HDAC4: variants seen among roughly 807,000 people sequenced by gnomAD.
HDAC4 encodes the protein histone deacetylase A.
In HDAC4, 16 loss-of-function variants were observed where a neutral mutation model predicts 135.1. That is an observed-to-expected ratio of 0.12 (90% confidence interval 0.08 to 0.18). HDAC4 has a LOEUF of 0.18. Among genes scored for constraint, HDAC4 ranks in the 10% least tolerant of loss-of-function variants. The pLI is 1.00. For synonymous variants in HDAC4, 685 were observed against 653.4 expected (o/e 1.05, Z -0.74); for missense variants, 1,143 against 1,511.8 (o/e 0.76, Z 4.05).
intron 16 of HDAC4, 109 bp from the exon 17 acceptor site, chr2:239,095,165 A>G: frequency 8.7e-7 from 1 of 1,154,876 alleles, no homozygotes; most frequent in Non-Finnish European, 1.3e-6. Context: ...CATTTGTGGG[A>G]CAACGAGGGG....
intron 3 of HDAC4, among the ~76,000 whole-genome samples, chr2:239,230,343 TA>T (rs1306299329): frequency 1.6e-5 from 1 of 61,104 alleles, no homozygotes; most frequent in Non-Finnish European, 2.8e-5. Flanking sequence ...ATTTTACCTC[TA>T]AAAATTAAAA....
intron 3 of HDAC4, among the ~76,000 whole-genome samples, chr2:239,210,572 C>T (rs2046310942): frequency 6.6e-6 from 1 of 152,212 alleles, no homozygotes; most frequent in Admixed American, 6.5e-5. Flanking sequence ...CGGCTTGGGG[C>T]TCCCTTGGAG....
intron 24 of HDAC4, among the ~76,000 whole-genome samples, chr2:239,057,459 C>T (rs190707121): frequency 2.6e-5 from 4 of 152,292 alleles, no homozygotes; most frequent in African/African-American, 9.6e-5. Flanking sequence ...CACCTAGGTA[C>T]ATCAGAGTAA....
chr2:239,162,584 T>A (rs2042877787), intron 6 of HDAC4, among the ~76,000 whole-genome samples: 1 of 152,188 alleles, frequency 6.6e-6, no homozygotes, highest in African/African-American at 2.4e-5. Flanking sequence ...GGAAGCCACC[T>A]CCTCTCTCAG....
chr2:239,166,858 T>C (rs2043149796), intron 5 of HDAC4, among the ~76,000 whole-genome samples: 1 of 152,218 alleles, frequency 6.6e-6, no homozygotes, highest in Non-Finnish European at 1.5e-5. Flanking sequence ...AATGAGTATG[T>C]TAAATCAGCT....
rs1428431232 is a variant in HDAC4, at chr2:239,357,710, C to G, written c.-219-4792G>C. ...AGCAGCCTGGGCAACATTGTGAAAC[C>G]CTGTCTCGACAAAAAATAATAAAAA... is the stretch of plus-strand genomic sequence containing the variant. On this transcript the variant is annotated intron_variant, in intron 1 of 26. Transcript: ENST00000543185. Among the ~76,000 whole-genome samples the G allele has an allele frequency of 2.7e-5, 4 of 147,894 alleles. No individual in the cohort carries two copies. The Admixed American group carries it at 2.8e-4, about 10-fold the overall frequency.
At chr2:239,281,769 CCACCACTCTACACACAATATATA>C (rs1160249401) in intron 2 of HDAC4, among the ~76,000 whole-genome samples, 6 of 143,264 alleles carry the variant, frequency 4.2e-5, no homozygotes, top group Non-Finnish European at 6.1e-5. Flanking sequence ...TACAATTTAC[CCACCACTCTACACACAATATATA>C]CACCACTCTA....
At chr2:239,371,891 C>CA (rs1694648387) in intron 1 of HDAC4, among the ~76,000 whole-genome samples, 1 of 152,370 alleles carries the variant, frequency 6.6e-6, no homozygotes, top group African/African-American at 2.4e-5. Context: ...GGACCCAAAA[C>CA]AGTGAAGAGC....
chr2:239,190,896 A>C (rs1187980070), intron 3 of HDAC4: 2 of 454,534 alleles, frequency 4.4e-6, no homozygotes, highest in Non-Finnish European at 9.2e-6. Context: ...TTTAAATTAC[A>C]GATATCACAA....
At chr2:239,325,690 C>A (rs573929364) in intron 2 of HDAC4, among the ~76,000 whole-genome samples, 1 of 152,158 alleles carries the variant, frequency 6.6e-6, no homozygotes, top group Non-Finnish European at 1.5e-5. Context: ...CAGGGCTGGG[C>A]GTGGTGGCTC....
chr2:239,140,268 A>G (rs1251485817), intron 8 of HDAC4, among the ~76,000 whole-genome samples: 1 of 152,192 alleles, frequency 6.6e-6, no homozygotes, highest in Non-Finnish European at 1.5e-5. Flanking sequence ...GCAAGCATCC[A>G]GGGGAAAATA....
chr2:239,330,140 G>A (rs1381185824), intron 2 of HDAC4, among the ~76,000 whole-genome samples: 6 of 152,274 alleles, frequency 3.9e-5, no homozygotes, highest in African/African-American at 7.2e-5. Context: ...CAGAGCCGAT[G>A]GCCGGAGGCC....
At chr2:239,270,785 G>C (rs1388562564) in intron 2 of HDAC4, among the ~76,000 whole-genome samples, 1 of 152,172 alleles carries the variant, frequency 6.6e-6, no homozygotes, top group South Asian at 2.1e-4. Flanking sequence ...GCGTTACTGT[G>C]AGCAGCACGT....
chr2:239,232,412 G>C (rs1186639944), intron 3 of HDAC4, among the ~76,000 whole-genome samples: 1 of 152,220 alleles, frequency 6.6e-6, no homozygotes, highest in Non-Finnish European at 1.5e-5. Context: ...CAATGGCTCT[G>C]TTTGCTCACT....
At chr2:239,172,677 AC>A (rs2152992946) in intron 5 of HDAC4, among the ~76,000 whole-genome samples, 1 of 152,268 alleles carries the variant, frequency 6.6e-6, no homozygotes, top group East Asian at 1.9e-4. Context: ...TATTCAACAA[AC>A]AACATCCATA....
At chr2:239,289,028 T>C (rs892366751) in intron 2 of HDAC4, among the ~76,000 whole-genome samples, 1 of 152,190 alleles carries the variant, frequency 6.6e-6, no homozygotes, top group Non-Finnish European at 1.5e-5. Context: ...AAGGAGACAG[T>C]GCCCTGCTGG....
intron 1 of HDAC4, among the ~76,000 whole-genome samples, chr2:239,363,933 G>A (rs79396615): frequency 0.013 from 1,955 of 152,296 alleles, 20 homozygotes; most frequent in Non-Finnish European, 0.018. Flanking sequence ...TACTTTACAA[G>A]ACAGGATTCC....
chr2:239,298,867 T>TTTC (rs2052074130), intron 2 of HDAC4, among the ~76,000 whole-genome samples: 1 of 130,782 alleles, frequency 7.6e-6, no homozygotes, highest in African/African-American at 2.9e-5. Flanking sequence ...TAGCCTATTT[T>TTTC]TTTTTTTTTT....
At chr2:239,094,944 G>A (rs755753542) in intron 17 of HDAC4, 66 bp downstream of exon 17, 38 of 1,611,888 alleles carry the variant, frequency 2.4e-5, no homozygotes, top group South Asian at 1.5e-4. Context: ...GCAAGGCTGC[G>A]ATTTCTGTGA....
Sources: allele counts gnomAD v4.1 joint callset (sites outside exome capture counted in the v4.1 genomes callset), GRCh38; gene constraint gnomAD v4.1.1; transcripts MANE v1.5; gene names NCBI Gene and HGNC (gene_info 2026-07-23, HGNC 2026-07-21).